Variants in MTREX observed in about 807,000 individuals in gnomAD.
MTREX encodes exosome RNA helicase MTR4.
A neutral mutation model predicts 135.4 loss-of-function variants in MTREX; 76 were observed. The ratio of observed to expected loss-of-function variants is 0.56; its 90% confidence interval spans 0.47 to 0.68. The LOEUF is 0.68. Ranked by LOEUF, MTREX falls within the 30% of genes least tolerant of loss-of-function variation. The pLI is 0.00. For synonymous variants in MTREX, 404 were observed against 401.6 expected (o/e 1.01, Z -0.07); for missense variants, 920 against 1,262.1 (o/e 0.73, Z 4.11).
chr5:55,422,324 G>T (rs866267729), intron 25 of MTREX, among the ~76,000 whole-genome samples: 1 of 152,172 alleles, frequency 6.6e-6, no homozygotes, highest in African/African-American at 2.4e-5. Context: ...TGTAAAGAAC[G>T]TACTAATGAA....
At chr5:55,372,043 C>T (rs1750211175) in intron 16 of MTREX, among the ~76,000 whole-genome samples, 2 of 152,056 alleles carry the variant, frequency 1.3e-5, no homozygotes, top group African/African-American at 4.8e-5. Context: ...TTCTTAAATT[C>T]CTCTGGTCTG....
chr5:55,348,408 G>A (rs1749773757), intron 11 of MTREX, among the ~76,000 whole-genome samples: 1 of 152,148 alleles, frequency 6.6e-6, no homozygotes, highest in African/African-American at 2.4e-5. Flanking sequence ...ATTAACTTTA[G>A]GGGGACACAT....
rs144065455 is a variant in MTREX, at chr5:55,379,139, G to A, written c.1996G>A (p.Gly666Arg). The A allele has an allele frequency of 2.3e-4, 371 of 1,608,672 alleles. 1 individual carries two copies. Among genetic ancestry groups the A allele is most frequent in the Middle Eastern group, 9.9e-4 (6 of 6,068 alleles). Residue 666 changes from glycine (G) to arginine (R), a missense_variant, in exon 18 of 27, where the codon GGA (glycine) becomes AGA (arginine). Physicochemically the swap from Gly to Arg is moderately radical, Grantham distance 125 (BLOSUM62 -2). Coordinates refer to ENST00000230640, the MANE Select transcript of MTREX (RefSeq NM_015360.5). ...TCTTTCTTTTTAGGTAAAGAATGAA[G>A]GAGATGACTTTGGCTGGGGAGTAGT... ...PGRLVKVKNE[G>R]DDFGWGVVVN...
chr5:55,362,471 C>G (rs1266485493), intron 15 of MTREX, among the ~76,000 whole-genome samples: 1 of 152,178 alleles, frequency 6.6e-6, no homozygotes, highest in East Asian at 1.9e-4. Context: ...AGTGATTCTC[C>G]TACCTCAGCC....
intron 14 of MTREX, chr5:55,357,656 A>G (rs983914314): frequency 6.6e-6 from 1 of 152,306 alleles, no homozygotes; most frequent in African/African-American, 2.4e-5. Context: ...CTGAGCTAGG[A>G]CTGCCACCAC....
chr5:55,310,968 G>A (rs898764356), intron 1 of MTREX, among the ~76,000 whole-genome samples: 12 of 151,610 alleles, frequency 7.9e-5, no homozygotes, highest in Non-Finnish European at 1.5e-4. Context: ...TTGTAGAGAC[G>A]GGTGTCTCAT....
At position 55,349,628 on chromosome 5, in the gene MTREX, C is replaced by T. The variant is rs1187846696; in HGVS notation, c.1296C>T (p.Ser432=). The T allele has an allele frequency of 1.7e-5, 28 of 1,600,292 alleles. No homozygotes were observed. The highest frequency in any genetic ancestry group is 2.3e-5 in the Non-Finnish European group (27 of 1,168,422). The stretch of plus-strand genomic sequence containing the variant: ...TCAGTAATGCAATTGATTGCTTATC[C>T]GATGAAGATAAAAAACTCCCTCAGG... ...EVFSNAIDCL[S]DEDKKLPQVE... Residue 432 remains serine (S), a synonymous_variant, in exon 12 of 27, where the codon TCC becomes TCT. Transcript: ENST00000230640.
At chr5:55,414,346 AACCT>A (rs1750934061) in intron 24 of MTREX, 108 bp downstream of exon 24, 2 of 883,838 alleles carry the variant, frequency 2.3e-6, no homozygotes, top group Non-Finnish European at 3.3e-6. Flanking sequence ...TCACAGAGAT[AACCT>A]ATAAGGATTA....
chr5:55,376,874 A>G (rs1193982029), intron 16 of MTREX, among the ~76,000 whole-genome samples: 1 of 152,044 alleles, frequency 6.6e-6, no homozygotes, highest in African/African-American at 2.4e-5. Context: ...GTTCAAAACC[A>G]GCCTGGCCAA....
chr5:55,416,222 TTTAATATTTGGTAA>T, intron 25 of MTREX, 90 bp downstream of exon 25: 2 of 806,552 alleles, frequency 2.5e-6, no homozygotes, highest in Non-Finnish European at 3.7e-6. Flanking sequence ...AATATGTATT[TTTAATATTTGGTAA>T]CTAAATGAAA....
In MTREX at chr5:55,378,349, G is replaced by C. The variant is rs202026264; in HGVS notation, c.1846G>C (p.Val616Leu). ...TTCAGAAGAACAGTATAATAAAATAGTAATTCCCAATGAAGAAAGTGTGGT... is the reference window on the plus strand; with the variant it reads ...TTCAGAAGAACAGTATAATAAAATACTAATTCCCAATGAAGAAAGTGTGGT... ...KNSEEQYNKI[V>L]IPNEESVVIY... is the part of the protein sequence containing the mutation. Residue 616 changes from valine (V) to leucine (L), a missense_variant, in exon 17 of 27, where the codon GTA becomes CTA. Around this residue, in one of 6 missense-constraint regions of MTREX, gnomAD observed 467 missense variants for 589.7 expected, o/e 0.79. Transcript: ENST00000230640. 6.0e-5 allele frequency: 97 copies of C among 1,607,222 alleles called. No individual in the cohort carries two copies. The Middle Eastern group carries it at 1.3e-3, about 22-fold the overall frequency.
At chr5:55,341,323 G>A (rs1749645484) in intron 6 of MTREX, among the ~76,000 whole-genome samples, 1 of 152,168 alleles carries the variant, frequency 6.6e-6, no homozygotes, top group Admixed American at 6.5e-5. Context: ...ATTTTAGAAA[G>A]TATGAATCTT....
chr5:55,324,148 C>A lies in MTREX; in HGVS notation c.289C>A (p.Pro97Thr). ...CTTTTTAAGTTTGGCAGACCTGATG[C>A]CCAGAGTCAAGGTACAATCAGTTGA... The part of the protein sequence containing the change: ...TEDLSLADLM[P>T]RVKVQSVETV... The change falls in exon 3 of 27, where the codon CCC becomes ACC. Residue 97 changes from proline (P) to threonine (T), a missense_variant. Pro to Thr is a conservative substitution (Grantham distance 38). Coordinates refer to ENST00000230640, the MANE Select transcript of MTREX (RefSeq NM_015360.5). 6.2e-7 allele frequency: 1 copy of A among 1,610,664 alleles called. No individual in the cohort carries two copies. The highest frequency in any genetic ancestry group is 8.5e-7 in the Non-Finnish European group (1 of 1,178,210).
At chr5:55,327,312 T>G (rs1292105265) in intron 3 of MTREX, among the ~76,000 whole-genome samples, 3 of 152,208 alleles carry the variant, frequency 2.0e-5, no homozygotes, top group African/African-American at 7.2e-5. Flanking sequence ...CCCTTAACTA[T>G]TTCTAGAGTC....
intron 6 of MTREX, among the ~76,000 whole-genome samples, chr5:55,341,208 T>C (rs1484166705): frequency 6.6e-6 from 1 of 152,128 alleles, no homozygotes; most frequent in African/African-American, 2.4e-5. Context: ...AGGGTAACAG[T>C]TGCCAGGAAG....
intron 16 of MTREX, among the ~76,000 whole-genome samples, chr5:55,374,851 T>A (rs1490341014): frequency 6.6e-6 from 1 of 152,226 alleles, no homozygotes; most frequent in Non-Finnish European, 1.5e-5. Flanking sequence ...TCAGGGAACC[T>A]GCCCCAATAT....
At chr5:55,408,917 TTTTA>T (rs140029940) in intron 22 of MTREX, among the ~76,000 whole-genome samples, 3,679 of 144,278 alleles carry the variant, frequency 0.025, 141 homozygotes, top group African/African-American at 0.076. Flanking sequence ...TGAACAATAT[TTTTA>T]TTTATTTATT....
Position 55,328,704 on chromosome 5 carries a change from C to T in MTREX, c.408C>T (p.Tyr136=), listed in dbSNP as rs1457303931. ...KPRVGKAAKE[Y]PFILDAFQRE... ...TTAATGTTTTGTTTTTATAGGAATA[C>T]CCGTTCATTCTTGATGCTTTTCAAA... The change falls in exon 5 of 27, where the codon TAC becomes TAT. Residue 136 remains tyrosine (Y), a synonymous_variant. Transcript: ENST00000230640. 10 of 1,605,032 alleles carry T rather than the reference C, an allele frequency of 6.2e-6. No homozygotes were observed. The highest frequency in any genetic ancestry group is 1.1e-5 in the South Asian group (1 of 90,796).
intron 21 of MTREX, among the ~76,000 whole-genome samples, chr5:55,400,685 A>G (rs1750711102): frequency 6.6e-6 from 1 of 152,158 alleles, no homozygotes; most frequent in African/African-American, 2.4e-5. Context: ...ACAGCATAGC[A>G]TTCACCCTTT....
Sources: gnomAD v4.1 joint callset for allele counts (sites outside exome capture counted in the v4.1 genomes callset) on GRCh38, gnomAD v4.1.1 for gene constraint, gnomAD v4.1.1 regional missense constraint, MANE v1.5 for transcripts, NCBI Gene and HGNC (gene_info 2026-07-23, HGNC 2026-07-21) for gene names.